PTGER3: variants seen among roughly 807,000 people sequenced by gnomAD.
PTGER3 encodes the protein prostaglandin E2 receptor EP3 subtype.
A neutral mutation model predicts 34.7 loss-of-function variants in PTGER3; 22 were observed. The ratio of observed to expected loss-of-function variants is 0.63; its 90% CI spans 0.45 to 0.91. PTGER3 has a LOEUF of 0.91. Among genes scored for constraint, PTGER3 ranks in the 40% least tolerant of loss-of-function variants. PTGER3 has a pLI of 0.00. For synonymous variants in PTGER3, 241 were observed against 230.1 expected, an observed-to-expected ratio of 1.05 and a Z score of -0.43; for missense variants, 468 against 519.4, an observed-to-expected ratio of 0.90 and a Z score of 0.96.
chr1:71,038,737 G>T (rs1660035247), intron 1 of PTGER3, among the ~76,000 whole-genome samples: 1 of 152,160 alleles, frequency 6.6e-6, no homozygotes, highest in African/African-American at 2.4e-5. Context: ...GTCAGGACCT[G>T]GTCAAACTGT....
intron 2 of PTGER3, among the ~76,000 whole-genome samples, chr1:70,992,230 C>G (rs765725413): frequency 1.3e-5 from 2 of 152,314 alleles, no homozygotes; most frequent in African/African-American, 2.4e-5. Flanking sequence ...AGCATCAAGG[C>G]TGAAGTTAGT....
downstream of PTGER3, chr1:70,952,371 T>C (rs1458456106): frequency 4.1e-6 from 4 of 964,708 alleles, no homozygotes; most frequent in Admixed American, 2.5e-4. Flanking sequence ...CTAGTTTTGT[T>C]AATTCAAGGT....
At chr1:71,033,552 A>C (rs1335209805) in intron 1 of PTGER3, among the ~76,000 whole-genome samples, 1 of 152,214 alleles carries the variant, frequency 6.6e-6, no homozygotes, top group Non-Finnish European at 1.5e-5. Context: ...AACTAGCCTA[A>C]TTCACTGCCA....
intron 2 of PTGER3, among the ~76,000 whole-genome samples, chr1:70,963,642 C>A (rs1007501847): frequency 1.3e-5 from 2 of 152,174 alleles, no homozygotes; most frequent in Non-Finnish European, 2.9e-5. Context: ...CTGCAGGGTG[C>A]CAAGCCCCTG....
intron 4 of PTGER3, among the ~76,000 whole-genome samples, chr1:70,889,062 A>G (rs1026069920): frequency 5.3e-5 from 8 of 152,236 alleles, no homozygotes; most frequent in African/African-American, 1.9e-4. Flanking sequence ...AGATTTACCT[A>G]CTATGCCTAG....
intron 4 of PTGER3, among the ~76,000 whole-genome samples, chr1:70,853,075 G>A (rs558221940): frequency 7.2e-5 from 11 of 152,158 alleles, no homozygotes; most frequent in African/African-American, 2.7e-4. Context: ...CCACAAACTC[G>A]GGGTGTAAAA....
intron 4 of PTGER3, among the ~76,000 whole-genome samples, chr1:70,928,079 A>T (rs1326870120): frequency 6.7e-6 from 1 of 150,282 alleles, no homozygotes; most frequent in African/African-American, 2.4e-5. Flanking sequence ...TTAAAAATAA[A>T]TTATGAAACA....
chr1:71,040,215 G>A (rs576717366), intron 1 of PTGER3, among the ~76,000 whole-genome samples: 1 of 151,476 alleles, frequency 6.6e-6, no homozygotes, highest in Non-Finnish European at 1.5e-5. Context: ...GGAAGGGAAG[G>A]GTTCATAAAG....
chr1:70,960,005 A>G lies in PTGER3; in HGVS notation c.1078-6216T>C, dbSNP rs1201187618. 1.3e-5 allele frequency among the ~76,000 whole-genome samples: 2 copies of G among 152,184 alleles called. 1 individual carries two copies. Among genetic ancestry groups the G allele is most frequent in the African/African-American group, 4.8e-5 (2 of 41,422 alleles). On this transcript the variant is annotated intron_variant, in intron 2 of 3. Transcript: ENST00000356595. ...AACTGGTGTTCTTTAAAAAGTGGGA[A>G]CACACACATTCAGGGAGAACACTAT... is the stretch of plus-strand genomic sequence containing the variant.
intron 4 of PTGER3, among the ~76,000 whole-genome samples, chr1:70,938,606 G>A (rs1649464269): frequency 6.6e-6 from 1 of 152,130 alleles, no homozygotes. Context: ...GACTACGGTG[G>A]CACATGGCTG....
rs536309097 is a variant in PTGER3 at position 71,046,839 on chromosome 1, A to G, written c.739T>C (p.Ser247Pro). The change falls in exon 1 of 4, where the codon TCC (serine) becomes CCC (proline). Residue 247 changes from serine to proline, a missense_variant. Ser to Pro is a moderately conservative substitution (Grantham distance 74). This residue lies in a region of PTGER3 where 204 missense variants were observed against 230.8 expected (regional missense o/e 0.88). Transcript: ENST00000306666. ...GCCTTAATGGTGGCCAGGTTGCAGG[A>G]AAAGGTGACTGTCAGCGCCAAGAGC... Reference protein sequence around the residue: ...LGLLALTVTFSCNLATIKALV... With the variant: ...LGLLALTVTFPCNLATIKALV... 6.2e-7 allele frequency: 1 copy of G among 1,614,052 alleles called. No homozygotes were observed. Among genetic ancestry groups the G allele is most frequent in the Non-Finnish European group, 8.5e-7 (1 of 1,180,012 alleles).
chr1:70,937,987 C>T (rs1035782431), intron 4 of PTGER3, among the ~76,000 whole-genome samples: 20 of 152,130 alleles, frequency 1.3e-4, no homozygotes, highest in African/African-American at 3.4e-4. Flanking sequence ...TGAAATATGA[C>T]ATTTTGGAGT....
intron 4 of PTGER3, among the ~76,000 whole-genome samples, chr1:70,895,057 C>T (rs1646696457): frequency 6.6e-6 from 1 of 152,174 alleles, no homozygotes. Context: ...CACCAAATGA[C>T]TCTCAATTGA....
In PTGER3 at chr1:71,046,895, A is replaced by G; in HGVS notation, c.683T>C (p.Leu228Pro). ...GTSSSHNWGNLFFASAFAFLG... is the reference protein window; with the variant it reads ...GTSSSHNWGNPFFASAFAFLG... ...GAAGGCAAAGGCAGAGGCGAAGAAA[A>G]GGTTGCCCCAGTTATGCGAAGAGCT... Residue 228 changes from leucine (L) to proline (P), a missense_variant, in exon 1 of 4, where the codon CTT becomes CCT. Around this residue, in one of 5 missense-constraint regions of PTGER3, gnomAD observed 204 missense variants for 230.8 expected, o/e 0.88. Transcript: ENST00000306666. The G allele has an allele frequency of 6.2e-7, 1 of 1,612,820 alleles. No individual in the cohort carries two copies. Among genetic ancestry groups the G allele is most frequent in the Non-Finnish European group, 8.5e-7 (1 of 1,179,480 alleles).
chr1:70,990,049 T>A (rs1655288255), intron 2 of PTGER3, among the ~76,000 whole-genome samples: 1 of 152,058 alleles, frequency 6.6e-6, no homozygotes, highest in Non-Finnish European at 1.5e-5. Context: ...TGTGTACATA[T>A]GTGAAAATAT....
At chr1:70,911,481 T>C (rs572526584) in intron 4 of PTGER3, among the ~76,000 whole-genome samples, 2 of 152,164 alleles carry the variant, frequency 1.3e-5, no homozygotes, top group South Asian at 2.1e-4. Context: ...CAGTTATAGA[T>C]AGGTTTTTTG....
chr1:71,022,821 C>T (rs572620047), intron 1 of PTGER3, among the ~76,000 whole-genome samples: 1 of 151,802 alleles, frequency 6.6e-6, no homozygotes, highest in Admixed American at 6.6e-5. Context: ...GCATCTGCAG[C>T]CATCCATTCT....
At chr1:70,956,108 A>T (rs1360640033) in intron 2 of PTGER3, among the ~76,000 whole-genome samples, 3 of 152,202 alleles carry the variant, frequency 2.0e-5, no homozygotes, top group Non-Finnish European at 4.4e-5. Context: ...TGAAGTGTGA[A>T]TTCATTACAG....
chr1:70,982,537 A>C (rs1654482955), intron 2 of PTGER3, among the ~76,000 whole-genome samples: 1 of 152,126 alleles, frequency 6.6e-6, no homozygotes. Context: ...ACACACATAC[A>C]TACTCAGACA....
Sources: gnomAD v4.1 joint callset for allele counts (sites outside exome capture counted in the v4.1 genomes callset) on GRCh38, gnomAD v4.1.1 for gene constraint, gnomAD v4.1.1 regional missense constraint, MANE v1.5 for transcripts, NCBI Gene and HGNC (gene_info 2026-07-23, HGNC 2026-07-21) for gene names.